The following DPEP1 variants were observed in gnomAD, a reference collection of about 807,000 sequenced individuals.
DPEP1 encodes the protein beta-lactamase.
Under a neutral mutation model 42.3 loss-of-function variants are expected in DPEP1, and 50 were observed. The observed-to-expected ratio is 1.18, with a 90% confidence interval of 0.94 to 1.50. The LOEUF (loss-of-function observed/expected upper bound fraction) is 1.50. Among genes scored for constraint, DPEP1 ranks in the 40% most tolerant of loss-of-function variants. DPEP1 has a pLI of 0.00. For missense variants in DPEP1, 663 were observed against 553.0 expected (o/e 1.20, Z -1.99); for synonymous variants, 297 against 234.0 (o/e 1.27, Z -2.46).
rs3764253 is a variant in DPEP1, at chr16:89,620,285, G to T, written c.-107+6566G>T. 2.0e-3 allele frequency among the ~76,000 whole-genome samples: 302 copies of T among 151,840 alleles called. 3 individuals carry two copies. Among genetic ancestry groups the T allele is most frequent in the African/African-American group, 6.5e-3 (268 of 41,322 alleles). ...AGGGAGGTGGCTGGGGTCTGCCAGT[G>T]GGGGGGACACACGACCTGGGACCCC... is the stretch of plus-strand genomic sequence containing the variant. On this transcript the variant is annotated intron_variant, in intron 1 of 10. Coordinates refer to ENST00000690203, the MANE Select transcript of DPEP1 (RefSeq NM_001389466.1).
chr16:89,621,597 C>A (rs1047103647), intron 1 of DPEP1, among the ~76,000 whole-genome samples: 1 of 152,206 alleles, frequency 6.6e-6, no homozygotes, highest in Non-Finnish European at 1.5e-5. Flanking sequence ...TATTTGGGGG[C>A]CTCTGTGCCA....
At chr16:89,634,589 T>C (rs1336338316) in intron 2 of DPEP1, among the ~76,000 whole-genome samples, 3 of 55,710 alleles carry the variant, frequency 5.4e-5, no homozygotes, top group Non-Finnish European at 8.0e-5. Context: ...CCCTTCCTTC[T>C]CCTTTCCCTT....
intron 1 of DPEP1, 108 bp downstream of exon 1, chr16:89,613,827 G>C (rs148446304): frequency 6.1e-6 from 1 of 163,458 alleles, no homozygotes; most frequent in East Asian, 1.4e-4. Context: ...GGGACCAGGC[G>C]TGCGGGGCAG....
At chr16:89,628,214 A>C (rs1286744300) in intron 1 of DPEP1, among the ~76,000 whole-genome samples, 3 of 135,424 alleles carry the variant, frequency 2.2e-5, no homozygotes, top group South Asian at 4.9e-4. Flanking sequence ...GAGCCACCAC[A>C]CCCGGCCACA....
chr16:89,624,610 C>T (rs1455364370), intron 1 of DPEP1, among the ~76,000 whole-genome samples: 2 of 151,980 alleles, frequency 1.3e-5, no homozygotes, highest in South Asian at 4.2e-4. Context: ...TCTCGGCTCA[C>T]TGCAACCTCT....
chr16:89,627,651 CTTTTTTTTTTT>C (rs1175287086), intron 1 of DPEP1, among the ~76,000 whole-genome samples: 13 of 52,844 alleles, frequency 2.5e-4, no homozygotes, highest in African/African-American at 4.4e-4. Flanking sequence ...GATATTTCTT[CTTTTTTTTTTT>C]TTTTTTTTTT....
At chr16:89,615,145 A>C (rs2059369227) in intron 1 of DPEP1, among the ~76,000 whole-genome samples, 1 of 152,214 alleles carries the variant, frequency 6.6e-6, no homozygotes. Context: ...CCTTGTCGAC[A>C]AAAGGTCAGC....
chr16:89,641,222 G>A (rs945513292), downstream of DPEP1, among the ~76,000 whole-genome samples: 2 of 25,188 alleles, frequency 7.9e-5, no homozygotes, highest in African/African-American at 4.5e-4. Context: ...GAGGGCTGCG[G>A]GGGGGGGTTG....
Position 89,637,249 on chromosome 16 carries a change from G to T in DPEP1, c.637G>T (p.Ala213Ser), listed in dbSNP as rs762668222. ...CCGTCTGGGGGTCCTCATCGACTTG[G>T]CTCACGTGTCTGTGGCCACCATGAA... ...LNRLGVLIDL[A>S]HVSVATMKAT... Residue 213 changes from alanine (A) to serine (S), a missense_variant, in exon 7 of 11, where the codon GCT becomes TCT. Physicochemically the swap from Ala to Ser is moderately conservative, Grantham distance 99 (BLOSUM62 1). Transcript: ENST00000690203. 1 of 1,612,706 alleles carries T rather than the reference G, an allele frequency of 6.2e-7. No individual in the cohort carries two copies. The highest frequency in any genetic ancestry group is 8.5e-7 in the Non-Finnish European group (1 of 1,179,958).
intron 2 of DPEP1, among the ~76,000 whole-genome samples, chr16:89,630,741 G>A (rs2059577046): frequency 7.3e-6 from 1 of 137,022 alleles, no homozygotes; most frequent in African/African-American, 2.8e-5. Flanking sequence ...TGGGGGTGCC[G>A]GGGCTGGGGG....
intron 2 of DPEP1, 126 bp from the exon 3 acceptor site, chr16:89,635,782 G>C: frequency 7.5e-7 from 1 of 1,331,856 alleles, no homozygotes; most frequent in Non-Finnish European, 9.9e-7. Flanking sequence ...CCGCGGCCTA[G>C]ACTTCAGTCC....
chr16:89,630,814 G>A lies in DPEP1; in HGVS notation c.104+300G>A, dbSNP rs375288105. On this transcript the variant is annotated intron_variant, in intron 2 of 10. Transcript: ENST00000690203. ...GTGAGACTCGTGTGTGCTTGGCTTG[G>A]GGCTCAGTTTCTCTGGGGGTGAGAC... Among the ~76,000 whole-genome samples the A allele has an allele frequency of 4.2e-3, 636 of 151,610 alleles. 5 individuals carry two copies. Among genetic ancestry groups the A allele is most frequent in the African/African-American group, 0.012 (486 of 41,260 alleles).
At chr16:89,617,413 A>G (rs1009520364) in intron 1 of DPEP1, among the ~76,000 whole-genome samples, 4 of 152,162 alleles carry the variant, frequency 2.6e-5, no homozygotes, top group African/African-American at 9.7e-5. Context: ...CTCAGCTAAC[A>G]TGAGCTCTGA....
chr16:89,633,064 G>T (rs950880396), intron 2 of DPEP1, among the ~76,000 whole-genome samples: 1 of 152,164 alleles, frequency 6.6e-6, no homozygotes, highest in Non-Finnish European at 1.5e-5. Context: ...TCTGAGATGG[G>T]CCGCCTGCGT....
intron 3 of DPEP1, 32 bp from the exon 4 acceptor site, chr16:89,636,232 C>G: frequency 1.3e-6 from 2 of 1,589,440 alleles, no homozygotes; most frequent in East Asian, 2.3e-5. Flanking sequence ...GACCTGGCTG[C>G]ATCAGCTCCT....
At position 89,637,863 on chromosome 16, in the gene DPEP1, C is replaced by T; in HGVS notation, c.957C>T (p.Ser319=). 1 of 1,612,768 alleles carries T rather than the reference C, an allele frequency of 6.2e-7. No individual in the cohort carries two copies. Among genetic ancestry groups the T allele is most frequent in the Non-Finnish European group, 8.5e-7 (1 of 1,179,906 alleles). Residue 319 remains serine, a synonymous_variant, in exon 10 of 11, where the codon TCC becomes TCT. Transcript: ENST00000690203. Reference sequence around the variant, plus strand: ...TCCCTGAGGGGCTGGAGGACGTCTCCAAGTATCCAGACCTGATCGCTGAGC... The same window carrying T: ...TCCCTGAGGGGCTGGAGGACGTCTCTAAGTATCCAGACCTGATCGCTGAGC... ...PRVPEGLEDV[S]KYPDLIAELL...
At chr16:89,618,789 T>C (rs1049666308) in intron 1 of DPEP1, among the ~76,000 whole-genome samples, 2 of 150,952 alleles carry the variant, frequency 1.3e-5, no homozygotes, top group African/African-American at 4.8e-5. Flanking sequence ...TTGTAACTTA[T>C]AGATTAATAT....
Position 89,630,292 on chromosome 16 carries a change from C to A in DPEP1, c.-106-13C>A. ...ATCACTTCCACCCACACCTCTGGTG[C>A]CTCTCCTGGCAGGCAGAGTGGCTCC... On this transcript the variant is annotated splice_polypyrimidine_tract_variant and intron_variant, in intron 1 of 10. Coordinates refer to ENST00000690203, the MANE Select transcript of DPEP1 (RefSeq NM_001389466.1). The A allele has an allele frequency of 4.3e-6, 3 of 705,322 alleles. No individual in the cohort carries two copies. The allele number at this position is 705,322 out of a possible 1,614,324, so 43.7% of individuals were successfully genotyped here. A position where few individuals can be genotyped will look rare whatever the true frequency, so the allele number is the denominator to read the frequency against.
Position 89,636,278 on chromosome 16 carries a change from C to G in DPEP1, c.252C>G (p.Tyr84Ter), listed in dbSNP as rs2059677465. ...GCGGCCCACAGTTCTGGTCCGTGTA[C>G]ACGCCCTGCGACACCCAGAACAAAG... is the stretch of plus-strand genomic sequence containing the variant. ...GFVGGQFWSVYTPCDTQNKDA... is the reference protein window; with the variant it reads ...GFVGGQFWSV The change falls in exon 4 of 11, where the codon TAC becomes TAG. Residue 84 changes from tyrosine to a stop codon, truncating the protein, a stop_gained. Coordinates refer to ENST00000690203, the MANE Select transcript of DPEP1 (RefSeq NM_001389466.1). LOFTEE classifies it high-confidence loss of function. The G allele has an allele frequency of 1.2e-6, 2 of 1,609,882 alleles. No homozygotes were observed. The highest frequency in any genetic ancestry group is 2.7e-5 in the African/African-American group (2 of 74,908).
Sources: gnomAD v4.1 joint callset for allele counts (sites outside exome capture counted in the v4.1 genomes callset) on GRCh38, gnomAD v4.1.1 for gene constraint, MANE v1.5 for transcripts, NCBI Gene and HGNC (gene_info 2026-07-23, HGNC 2026-07-21) for gene names.